The following ZNF695 variants were observed in gnomAD, a reference collection of about 807,000 sequenced individuals.
ZNF695 encodes zinc finger protein 695.
In ZNF695, 11 loss-of-function variants were observed where a neutral mutation model predicts 11.2. The ratio of observed to expected loss-of-function variants is 0.98; its 90% CI spans 0.62 to 1.62. The LOEUF is 1.62. Among genes scored for constraint, ZNF695 ranks in the 40% most tolerant of loss-of-function variants. The pLI, the probability that ZNF695 is intolerant of heterozygous loss-of-function variation, is 0.00. For missense variants in ZNF695, 559 were observed against 590.5 expected (o/e 0.95, Z 0.55); for synonymous variants, 190 against 201.4 (o/e 0.94, Z 0.48).
chr1:246,974,693 G>A (rs895163821), intron 4 of ZNF695, among the ~76,000 whole-genome samples: 1 of 152,186 alleles, frequency 6.6e-6, no homozygotes, highest in South Asian at 2.1e-4. Flanking sequence ...AGGGAAAAGG[G>A]AAAATCAATG....
intron 1 of ZNF695, among the ~76,000 whole-genome samples, chr1:247,004,560 CAACTT>C (rs1188213910): frequency 6.6e-6 from 1 of 152,168 alleles, no homozygotes. Flanking sequence ...ACCAGTTACT[CAACTT>C]AGTACTGTAA....
At chr1:246,949,678 G>A (rs1320034330) in intron 5 of ZNF695, among the ~76,000 whole-genome samples, 1 of 151,886 alleles carries the variant, frequency 6.6e-6, no homozygotes, top group African/African-American at 2.4e-5. Flanking sequence ...ATTCTTACAG[G>A]TTCCCAACAG....
intron 3 of ZNF695, among the ~76,000 whole-genome samples, chr1:246,994,498 G>T (rs539145389): frequency 6.7e-6 from 1 of 149,580 alleles, no homozygotes; most frequent in Non-Finnish European, 1.5e-5. Context: ...CCGAGATCAC[G>T]CCACTCCACT....
chr1:246,952,550 T>TTC (rs1491553258), intron 5 of ZNF695, among the ~76,000 whole-genome samples: 2 of 36,556 alleles, frequency 5.5e-5, no homozygotes, highest in African/African-American at 5.5e-4. Context: ...CTTCTTCTTC[T>TTC]TTTTTTTTTT....
intron 5 of ZNF695, among the ~76,000 whole-genome samples, chr1:246,964,461 T>C (rs922978851): frequency 7.9e-5 from 12 of 152,142 alleles, no homozygotes; most frequent in Non-Finnish European, 1.5e-5. Flanking sequence ...AACAAAAGAT[T>C]CTCCTAACGC....
chr1:247,003,228 T>C lies in ZNF695; in HGVS notation c.4-3154A>G, dbSNP rs1248535769. On this transcript the variant is annotated intron_variant, in intron 1 of 3. Transcript: ENST00000339986. The stretch of plus-strand genomic sequence containing the variant: ...AGTCAACCTACCTGCCCATCAACAA[T>C]GGACTAAATAAATAAAATGACATAC... Among the ~76,000 whole-genome samples, 4 of 152,222 alleles carry C rather than the reference T, an allele frequency of 2.6e-5. No individual in the cohort carries two copies. The East Asian group carries it at 7.7e-4, about 29-fold the overall frequency.
intron 3 of ZNF695, among the ~76,000 whole-genome samples, chr1:246,998,977 AATATATATATATATATAT>A (rs6143721): frequency 0.088 from 12,644 of 144,028 alleles, 797 homozygotes; most frequent in African/African-American, 0.18. Flanking sequence ...CAAGAAAACA[AATATATATATATATATAT>A]ATATATATAT....
At chr1:246,963,903 C>G (rs946376388) in intron 5 of ZNF695, among the ~76,000 whole-genome samples, 1 of 152,184 alleles carries the variant, frequency 6.6e-6, no homozygotes, top group East Asian at 1.9e-4. Context: ...GGCTGTGACC[C>G]GTGTTCCTGA....
At position 247,000,232 on chromosome 1, in the gene ZNF695, C is replaced by T. The variant is rs561551916; in HGVS notation, c.4-158G>A. On this transcript the variant is annotated intron_variant, in intron 1 of 3. Transcript: ENST00000339986. Reference sequence around the variant, plus strand: ...ACACAGAAATATACTCTAGGCCGGGCGCGGCGGCTCACACCTGTAATCCCA... The same window carrying T: ...ACACAGAAATATACTCTAGGCCGGGTGCGGCGGCTCACACCTGTAATCCCA... Among the ~76,000 whole-genome samples the T allele has an allele frequency of 2.6e-5, 4 of 152,350 alleles. No individual in the cohort carries two copies. The East Asian group carries it at 5.8e-4, about 22-fold the overall frequency.
chr1:246,977,782 T>C lies in ZNF695; in HGVS notation c.391-9990A>G, dbSNP rs571038152. On this transcript the variant is annotated intron_variant, in intron 4 of 5. Coordinates refer to the ZNF695 transcript ENST00000487338. ...ACATATGAGGTGTACTCTTACGTAC[T>C]TGGGCAGCAGAACTAATAGTGCAGT... Among the ~76,000 whole-genome samples the C allele has an allele frequency of 3.9e-5, 6 of 152,358 alleles. No homozygotes were observed. The South Asian group carries it at 1.2e-3, about 32-fold the overall frequency.
At chr1:246,993,510 T>C (rs1231858285) in intron 3 of ZNF695, among the ~76,000 whole-genome samples, 1 of 152,186 alleles carries the variant, frequency 6.6e-6, no homozygotes, top group Non-Finnish European at 1.5e-5. Flanking sequence ...CCTGGTCAAC[T>C]GGTGTCAGAA....
intron 3 of ZNF695, among the ~76,000 whole-genome samples, chr1:246,994,698 A>G (rs1028141007): frequency 6.1e-5 from 9 of 146,852 alleles, no homozygotes; most frequent in African/African-American, 2.0e-4. Context: ...TTAGCTGGGC[A>G]TGGTGGAGGG....
At chr1:246,973,868 T>G (rs558810756) in intron 4 of ZNF695, among the ~76,000 whole-genome samples, 4 of 152,204 alleles carry the variant, frequency 2.6e-5, no homozygotes, top group Admixed American at 6.5e-5. Context: ...CCCACCCATG[T>G]AGGCACTCAA....
intron 1 of ZNF695, among the ~76,000 whole-genome samples, chr1:247,002,596 G>A (rs1296258825): frequency 6.6e-6 from 1 of 152,172 alleles, no homozygotes; most frequent in Non-Finnish European, 1.5e-5. Flanking sequence ...GACCGGCCTG[G>A]CCAACATGGC....
At chr1:246,949,224 C>A (rs1209763426) in intron 5 of ZNF695, among the ~76,000 whole-genome samples, 1 of 152,032 alleles carries the variant, frequency 6.6e-6, no homozygotes, top group Non-Finnish European at 1.5e-5. Flanking sequence ...CTGTGAGAGG[C>A]AGGTGGAATT....
intron 4 of ZNF695, among the ~76,000 whole-genome samples, chr1:246,975,306 G>A (rs61852589): frequency 0.12 from 18,119 of 152,060 alleles, 1,307 homozygotes; most frequent in Middle Eastern, 0.17. Context: ...TTGTAACTTC[G>A]GAACACTGAT....
intron 1 of ZNF695, 56 bp from the exon 2 acceptor site, chr1:247,000,130 C>G: frequency 1.3e-6 from 2 of 1,482,646 alleles, no homozygotes. Context: ...AATTTGACTA[C>G]AGGCAAGGAG....
chr1:246,986,923 G>A lies in ZNF695; in HGVS notation c.*44C>T. ...TATTCTGCTGTGAAGTTGTGAATAG[G>A]TATTAAAGACTATGCCATATTGTTT... On this transcript the variant is annotated 3_prime_UTR_variant, in exon 4 of 4. Coordinates refer to ENST00000339986, the MANE Select transcript of ZNF695 (RefSeq NM_020394.5). 1 of 1,526,566 alleles carries A rather than the reference G, an allele frequency of 6.6e-7. No homozygotes were observed. The allele number at this position is 1,526,566 out of a possible 1,614,324, so 94.6% of individuals were successfully genotyped here. A position where few individuals can be genotyped will look rare whatever the true frequency, so the allele number is the denominator to read the frequency against.
At chr1:246,978,349 A>G (rs754078235) in intron 4 of ZNF695, among the ~76,000 whole-genome samples, 1 of 152,266 alleles carries the variant, frequency 6.6e-6, no homozygotes, top group Non-Finnish European at 1.5e-5. Flanking sequence ...AAAATTATCA[A>G]ACACAACAGT....
Sources: allele counts gnomAD v4.1 joint callset (sites outside exome capture counted in the v4.1 genomes callset), GRCh38; gene constraint gnomAD v4.1.1; transcripts MANE v1.5; gene names NCBI Gene and HGNC (gene_info 2026-07-23, HGNC 2026-07-21).